FIP1L1: variants seen among roughly 807,000 people sequenced by gnomAD.
The protein encoded by FIP1L1 is pre-mRNA 3'-end-processing factor FIP1.
FIP1L1 carries 21 observed loss-of-function variants against 84.6 expected under a neutral mutation model. The observed-to-expected ratio is 0.25, with a 90% CI of 0.18 to 0.36. FIP1L1 has a LOEUF of 0.36. Ranked by LOEUF, FIP1L1 falls within the 10% of genes least tolerant of loss-of-function variation. FIP1L1 has a pLI of 1.00. For missense variants in FIP1L1, 526 were observed against 751.1 expected, an observed-to-expected ratio of 0.70 and a Z score of 3.50; for synonymous variants, 263 against 242.3, an observed-to-expected ratio of 1.09 and a Z score of -0.80.
chr4:53,414,443 T>G (rs1191174222), intron 10 of FIP1L1, among the ~76,000 whole-genome samples, 172 bp from the exon 11 acceptor site: 1 of 151,930 alleles, frequency 6.6e-6, no homozygotes, highest in Non-Finnish European at 1.5e-5. Flanking sequence ...ATAGCACATC[T>G]ATATTTAAAT....
chr4:53,402,717 T>A (rs1392181179), intron 10 of FIP1L1, among the ~76,000 whole-genome samples: 3 of 152,008 alleles, frequency 2.0e-5, no homozygotes, highest in Non-Finnish European at 4.4e-5. Context: ...TAATAATAAT[T>A]ACAGCATTTT....
chr4:53,403,651 T>A (rs527680389), intron 10 of FIP1L1, among the ~76,000 whole-genome samples: 1 of 152,168 alleles, frequency 6.6e-6, no homozygotes, highest in Non-Finnish European at 1.5e-5. Context: ...AGGCAGGAGA[T>A]CAGATGAATA....
chr4:53,440,074 T>G (rs558431644), intron 13 of FIP1L1, among the ~76,000 whole-genome samples: 2 of 152,108 alleles, frequency 1.3e-5, no homozygotes, highest in East Asian at 3.9e-4. Context: ...AATGTTAGCC[T>G]TTTCTCACTT....
intron 17 of FIP1L1, 116 bp downstream of exon 17, chr4:53,458,906 T>A: frequency 8.5e-7 from 1 of 1,181,842 alleles, no homozygotes; most frequent in Non-Finnish European, 1.2e-6. Context: ...TTGGTTTCAT[T>A]AAAGAAAAAT....
At position 53,428,020 on chromosome 4, in the gene FIP1L1, A is replaced by C; in HGVS notation, c.1018-7A>C. On this transcript the variant is annotated splice_polypyrimidine_tract_variant and splice_region_variant and intron_variant, in intron 12 of 17. Transcript: ENST00000337488. ...CATCTGTTTAATTAACTGTGCTCTA[A>C]TTTTAGGTCCTTTCTGAAAGATCTG... The C allele has an allele frequency of 6.3e-7, 1 of 1,598,180 alleles. No homozygotes were observed. The highest frequency in any genetic ancestry group is 8.6e-7 in the Non-Finnish European group (1 of 1,169,464).
At chr4:53,411,396 C>T (rs759899586) in intron 10 of FIP1L1, among the ~76,000 whole-genome samples, 3 of 152,174 alleles carry the variant, frequency 2.0e-5, no homozygotes, top group Non-Finnish European at 4.4e-5. Context: ...ACAGTAGCCA[C>T]AACTCATTAG....
At chr4:53,402,658 C>T (rs1221493119) in intron 10 of FIP1L1, among the ~76,000 whole-genome samples, 5 of 152,130 alleles carry the variant, frequency 3.3e-5, no homozygotes, top group African/African-American at 1.2e-4. Context: ...GCCAAGATCA[C>T]ACCACTGCAC....
intron 10 of FIP1L1, among the ~76,000 whole-genome samples, chr4:53,403,394 G>C (rs1461759948): frequency 6.6e-6 from 1 of 152,208 alleles, no homozygotes; most frequent in Non-Finnish European, 1.5e-5. Context: ...TGGTGTAAAA[G>C]TAATTGCGGT....
intron 13 of FIP1L1, chr4:53,440,955 G>C (rs1385900731): frequency 5.7e-6 from 1 of 176,370 alleles, no homozygotes; most frequent in Non-Finnish European, 1.2e-5. Flanking sequence ...AGAAGAGAAA[G>C]ATAATTTATT....
chr4:53,383,476 A>T (rs1196336666), intron 4 of FIP1L1, among the ~76,000 whole-genome samples: 11 of 152,062 alleles, frequency 7.2e-5, no homozygotes, highest in Admixed American at 2.6e-4. Flanking sequence ...AGCCTGGCCA[A>T]CATGGTGAAA....
chr4:53,379,171 G>A (rs370747439), intron 2 of FIP1L1, 54 bp downstream of exon 2: 2 of 1,606,982 alleles, frequency 1.2e-6, no homozygotes, highest in Non-Finnish European at 1.7e-6. Flanking sequence ...TTCTTTAAGA[G>A]TGGTTTCTTT....
intron 11 of FIP1L1, among the ~76,000 whole-genome samples, chr4:53,424,933 A>G (rs1188221381): frequency 6.6e-6 from 1 of 152,162 alleles, no homozygotes; most frequent in Non-Finnish European, 1.5e-5. Flanking sequence ...AAGTTTAGAT[A>G]TAATGGGTTT....
At position 53,399,776 on chromosome 4, in the gene FIP1L1, C is replaced by T. The variant is rs1578316414; in HGVS notation, c.752C>T (p.Pro251Leu). The change falls in exon 10 of 18, where the codon CCA (proline) becomes CTA (leucine). Residue 251 changes from proline (P) to leucine (L), a missense_variant. By Grantham distance (98) the Pro-to-Leu change is moderately conservative. Coordinates refer to ENST00000337488, the MANE Select transcript of FIP1L1 (RefSeq NM_030917.4). ...TGNSEKETALPSTKAEFTSPP... is the reference protein window; with the variant it reads ...TGNSEKETALLSTKAEFTSPP... ...AACTCAGAGAAAGAAACTGCCCTTC[C>T]ATCTACAAAAGCTGAGTTTACTTCT... The T allele has an allele frequency of 1.9e-6, 3 of 1,613,270 alleles. No homozygotes were observed. Among genetic ancestry groups the T allele is most frequent in the Non-Finnish European group, 2.5e-6 (3 of 1,179,706 alleles).
chr4:53,382,166 A>G (rs1352005758), intron 3 of FIP1L1, 112 bp from the exon 4 acceptor site: 4 of 702,972 alleles, frequency 5.7e-6, no homozygotes, highest in Non-Finnish European at 9.8e-6. Flanking sequence ...TACTGTCTCC[A>G]GTGGAGACAA....
chr4:53,433,922 C>T (rs75015484), intron 13 of FIP1L1, among the ~76,000 whole-genome samples: 3 of 145,802 alleles, frequency 2.1e-5, no homozygotes, highest in East Asian at 4.1e-4. Context: ...ATGTTAATTT[C>T]GGGTTAGGGA....
chr4:53,440,714 T>G (rs765365841), intron 13 of FIP1L1: 2 of 786,756 alleles, frequency 2.5e-6, no homozygotes, highest in Non-Finnish European at 4.4e-6. Flanking sequence ...TGGAATAGGC[T>G]ATGGGGATTT....
At chr4:53,429,505 A>G (rs1031740847) in intron 13 of FIP1L1, among the ~76,000 whole-genome samples, 1 of 152,220 alleles carries the variant, frequency 6.6e-6, no homozygotes, top group African/African-American at 2.4e-5. Flanking sequence ...TCTGAAAAAG[A>G]ATTAGATAAA....
intron 14 of FIP1L1, among the ~76,000 whole-genome samples, chr4:53,443,558 A>T (rs1198708850): frequency 6.6e-6 from 1 of 152,198 alleles, no homozygotes; most frequent in East Asian, 1.9e-4. Flanking sequence ...TATGATTTTC[A>T]GAGGAAACTA....
chr4:53,399,849 A>AAC lies in FIP1L1; in HGVS notation c.815+10_815+11insAC. The AAC allele has an allele frequency of 6.4e-7, 1 of 1,551,466 alleles. No homozygotes were observed. Among genetic ancestry groups the AAC allele is most frequent in the Non-Finnish European group, 8.9e-7 (1 of 1,123,946 alleles). On this transcript the variant is annotated intron_variant, in intron 10 of 17. Coordinates refer to ENST00000337488, the MANE Select transcript of FIP1L1 (RefSeq NM_030917.4). ...GGCTTCCACCGAGCAGGTTAGTTAC[A>AAC]TAGTTATAACTCAATTACTGTACGA...
Sources: allele counts gnomAD v4.1 joint callset (sites outside exome capture counted in the v4.1 genomes callset), GRCh38; gene constraint gnomAD v4.1.1; transcripts MANE v1.5; gene names NCBI Gene and HGNC (gene_info 2026-07-23, HGNC 2026-07-21).